Variants in HECW2 observed in about 807,000 individuals in gnomAD.
HECW2 encodes the protein HECT, C2 and WW domain containing E3 ubiquitin protein ligase 2.
HECW2 carries 61 observed loss-of-function variants against 175.2 expected under a neutral mutation model. That is an observed-to-expected ratio of 0.35 (90% confidence interval 0.28 to 0.43). The LOEUF (loss-of-function observed/expected upper bound fraction) is 0.43, where lower values mean the gene tolerates loss of function less well. HECW2 is among the 20% of genes least tolerant of loss of function. HECW2 has a pLI of 1.00. For synonymous variants in HECW2, 671 were observed against 731.0 expected (o/e 0.92, Z 1.32); for missense variants, 1,524 against 2,000.5 (o/e 0.76, Z 4.54).
In HECW2 at chr2:196,242,051, A is replaced by G. The variant is rs540079840; in HGVS notation, c.3650+33T>C. ...ACTGTGCCCTCTCCTTTCACCATCT[A>G]TACATTATGTGGTTTGTGTCACTTT... On this transcript the variant is annotated intron_variant, in intron 20 of 28. Transcript: ENST00000644978. 4.3e-6 allele frequency: 7 copies of G among 1,609,858 alleles called. No homozygotes were observed. The African/African-American group carries it at 5.3e-5, about 12-fold the overall frequency.
chr2:196,258,120 A>C, intron 17 of HECW2: 2 of 534,098 alleles, frequency 3.7e-6, no homozygotes, highest in Non-Finnish European at 3.3e-6. Flanking sequence ...CCCAGTTCTA[A>C]TGTTGTGGGG....
intron 2 of HECW2, among the ~76,000 whole-genome samples, chr2:196,345,507 T>G (rs1178630976): frequency 6.6e-6 from 1 of 152,202 alleles, no homozygotes; most frequent in Non-Finnish European, 1.5e-5. Flanking sequence ...CTCAACATCC[T>G]TTTGCTCTTC....
chr2:196,480,242 A>G (rs1686795568), intron 1 of HECW2, among the ~76,000 whole-genome samples: 1 of 152,180 alleles, frequency 6.6e-6, no homozygotes, highest in Non-Finnish European at 1.5e-5. Flanking sequence ...CTTCTTTAAT[A>G]TAAGATTTCT....
intron 19 of HECW2, among the ~76,000 whole-genome samples, chr2:196,244,901 A>G (rs1688591833): frequency 6.6e-6 from 1 of 152,242 alleles, no homozygotes; most frequent in Non-Finnish European, 1.5e-5. Context: ...GAGTTTGGGC[A>G]TGATGCAGTG....
At chr2:196,570,231 G>A (rs1217220882) in intron 1 of HECW2, among the ~76,000 whole-genome samples, 1 of 152,028 alleles carries the variant, frequency 6.6e-6, no homozygotes, top group African/African-American at 2.4e-5. Flanking sequence ...GATCCTTATG[G>A]TACTTTACAA....
intron 13 of HECW2, among the ~76,000 whole-genome samples, chr2:196,300,349 A>G (rs1690998199): frequency 6.6e-6 from 1 of 152,256 alleles, no homozygotes; most frequent in Non-Finnish European, 1.5e-5. Context: ...CTTAAGGTCC[A>G]GACTTAAGAA....
chr2:196,354,171 G>A (rs752579235), intron 2 of HECW2, among the ~76,000 whole-genome samples: 3 of 152,202 alleles, frequency 2.0e-5, no homozygotes, highest in Non-Finnish European at 4.4e-5. Flanking sequence ...GAGCTAACTG[G>A]GCTGTTAATA....
intron 1 of HECW2, among the ~76,000 whole-genome samples, chr2:196,513,190 T>G (rs1465936496): frequency 6.6e-6 from 1 of 152,212 alleles, no homozygotes; most frequent in Non-Finnish European, 1.5e-5. Flanking sequence ...GTTGCTGTCT[T>G]TAAACATAAA....
At chr2:196,454,432 T>C (rs1696442186) in intron 1 of HECW2, among the ~76,000 whole-genome samples, 1 of 152,222 alleles carries the variant, frequency 6.6e-6, no homozygotes, top group South Asian at 2.1e-4. Flanking sequence ...TACCATAATT[T>C]AGTTACACAA....
chr2:196,373,637 G>A (rs1034780732), intron 2 of HECW2, among the ~76,000 whole-genome samples: 8 of 152,098 alleles, frequency 5.3e-5, no homozygotes, highest in African/African-American at 1.9e-4. Flanking sequence ...CTTAAAAAAA[G>A]CTATTGTTTT....
chr2:196,559,804 C>T (rs1464951522), intron 1 of HECW2, among the ~76,000 whole-genome samples: 1 of 152,166 alleles, frequency 6.6e-6, no homozygotes. Context: ...TATTTGCATA[C>T]ATCTTAAATC....
chr2:196,260,134 A>G (rs1558990944), intron 17 of HECW2: 1 of 152,246 alleles, frequency 6.6e-6, no homozygotes, highest in Non-Finnish European at 1.5e-5. Context: ...TAGGATGAGA[A>G]AAAGAAAGGA....
At chr2:196,493,255 G>A (rs986453857) in intron 1 of HECW2, 1 of 152,142 alleles carries the variant, frequency 6.6e-6, no homozygotes, top group Non-Finnish European at 1.5e-5. Flanking sequence ...TGTAGTCCTA[G>A]CTATGAGGAA....
At chr2:196,446,101 G>T (rs930643710) in intron 1 of HECW2, among the ~76,000 whole-genome samples, 3 of 152,112 alleles carry the variant, frequency 2.0e-5, no homozygotes, top group African/African-American at 7.2e-5. Context: ...TCTGGCTGTT[G>T]GTCCTCTCTG....
At chr2:196,219,072 AT>A (rs1469114100) in intron 26 of HECW2, among the ~76,000 whole-genome samples, 2 of 152,186 alleles carry the variant, frequency 1.3e-5, no homozygotes, top group Non-Finnish European at 2.9e-5. Flanking sequence ...TTTAAAAAAA[AT>A]CTCTGCTTCA....
At chr2:196,577,856 G>T (rs1246810142) in intron 1 of HECW2, among the ~76,000 whole-genome samples, 31 of 152,130 alleles carry the variant, frequency 2.0e-4, no homozygotes, top group Non-Finnish European at 4.4e-5. Flanking sequence ...AATTCATTCT[G>T]AAGTCAATAA....
In HECW2 at chr2:196,417,822, T is replaced by C. The variant is rs576157304; in HGVS notation, c.292+15310A>G. Among the ~76,000 whole-genome samples, 102 of 152,328 alleles carry C rather than the reference T, an allele frequency of 6.7e-4. 1 individual carries two copies. The highest frequency in any genetic ancestry group is 2.4e-3 in the African/African-American group (101 of 41,572). On this transcript the variant is annotated intron_variant, in intron 2 of 28. Coordinates refer to ENST00000644978, the MANE Select transcript of HECW2 (RefSeq NM_001348768.2). ...GTCATGGAGCCCCAAACTAAGAATT[T>C]AACCTCTAGATGTTCGCTGAATTCT...
At chr2:196,569,451 TTCTG>T (rs1480759071) in intron 1 of HECW2, among the ~76,000 whole-genome samples, 11 of 152,168 alleles carry the variant, frequency 7.2e-5, no homozygotes, top group African/African-American at 1.4e-4. Context: ...AGAAAATGAC[TTCTG>T]TCTACTTTTT....
intron 2 of HECW2, among the ~76,000 whole-genome samples, chr2:196,399,034 C>T (rs189809711): frequency 8.6e-4 from 131 of 152,302 alleles, no homozygotes; most frequent in African/African-American, 2.9e-3. Context: ...CATATATTTA[C>T]AATCCAATGT....
Sources: allele counts gnomAD v4.1 joint callset (sites outside exome capture counted in the v4.1 genomes callset), GRCh38; gene constraint gnomAD v4.1.1; transcripts MANE v1.5; gene names NCBI Gene and HGNC (gene_info 2026-07-23, HGNC 2026-07-21).